Variants in PDZD2 observed in about 807,000 individuals in gnomAD.
The protein encoded by PDZD2 is PDZ domain containing 2, also known as PDZ domain-containing protein 2.
In PDZD2, 90 loss-of-function variants were observed where a neutral mutation model predicts 220.7. The ratio of observed to expected loss-of-function variants is 0.41; its 90% CI spans 0.34 to 0.49. The LOEUF (loss-of-function observed/expected upper bound fraction) is 0.49. Ranked by LOEUF, PDZD2 falls within the 20% of genes least tolerant of loss-of-function variation. PDZD2 has a pLI of 0.28. For synonymous variants in PDZD2, 1,375 were observed against 1,450.5 expected (o/e 0.95, Z 1.18); for missense variants, 3,174 against 3,608.5 (o/e 0.88, Z 3.08).
intron 1 of PDZD2, among the ~76,000 whole-genome samples, chr5:31,797,094 A>ATTTTTTTTT (rs756548601): frequency 1.5e-5 from 1 of 66,534 alleles, no homozygotes; most frequent in Non-Finnish European, 2.5e-5. Flanking sequence ...CACCCAGCTA[A>ATTTTTTTTT]TTTTTTTTTT....
intron 2 of PDZD2, among the ~76,000 whole-genome samples, chr5:31,961,385 A>T (rs78400124): frequency 4.6e-5 from 7 of 151,344 alleles, no homozygotes; most frequent in African/African-American, 1.7e-4. Context: ...AAAAAAAAAA[A>T]TTAGCCAGGC....
At chr5:31,870,225 G>A (rs1396221521) in intron 2 of PDZD2, among the ~76,000 whole-genome samples, 1 of 152,052 alleles carries the variant, frequency 6.6e-6, no homozygotes, top group Non-Finnish European at 1.5e-5. Context: ...GAGAAAATGT[G>A]GAAAATAAGT....
chr5:31,988,955 T>C (rs1252760230), intron 3 of PDZD2, among the ~76,000 whole-genome samples: 2 of 152,202 alleles, frequency 1.3e-5, no homozygotes, highest in East Asian at 1.9e-4. Flanking sequence ...TGCGGTACCC[T>C]CTGCTGGTCT....
At chr5:31,662,640 C>CT (rs1235166382) in intron 1 of PDZD2, among the ~76,000 whole-genome samples, 7 of 152,210 alleles carry the variant, frequency 4.6e-5, no homozygotes, top group Admixed American at 1.3e-4. Flanking sequence ...GATCCCCTTT[C>CT]TTTTTTTGAG....
intron 2 of PDZD2, among the ~76,000 whole-genome samples, chr5:31,911,085 T>C (rs1488056448): frequency 1.3e-5 from 2 of 152,312 alleles, no homozygotes; most frequent in South Asian, 4.1e-4. Flanking sequence ...GACTCAAATA[T>C]GTAACAACTT....
chr5:31,756,153 G>A (rs1425552664), intron 1 of PDZD2, among the ~76,000 whole-genome samples: 1 of 152,142 alleles, frequency 6.6e-6, no homozygotes, highest in Admixed American at 6.5e-5. Flanking sequence ...ACGGGGAAAC[G>A]CAGAAGCCCC....
intron 19 of PDZD2, among the ~76,000 whole-genome samples, chr5:32,084,022 G>T (rs1742218673): frequency 6.6e-6 from 1 of 152,092 alleles, no homozygotes; most frequent in Non-Finnish European, 1.5e-5. Context: ...CTCCTTTTGT[G>T]TCATTGCTAC....
intron 2 of PDZD2, among the ~76,000 whole-genome samples, chr5:31,802,388 C>T (rs921692309): frequency 6.6e-6 from 1 of 152,186 alleles, no homozygotes. Context: ...GCTCAGGCTC[C>T]GTCTCTGACT....
At chr5:31,924,617 A>G (rs1405234851) in intron 2 of PDZD2, among the ~76,000 whole-genome samples, 1 of 152,204 alleles carries the variant, frequency 6.6e-6, no homozygotes, top group East Asian at 1.9e-4. Context: ...TCATCTTCCC[A>G]GCAAGTTTAT....
At chr5:32,022,008 A>G (rs922190721) in intron 6 of PDZD2, among the ~76,000 whole-genome samples, 12 of 152,106 alleles carry the variant, frequency 7.9e-5, no homozygotes, top group Non-Finnish European at 1.5e-4. Context: ...GTACGAATCA[A>G]TGCTGGATGA....
chr5:31,716,958 TGA>T (rs1748487971), intron 1 of PDZD2, among the ~76,000 whole-genome samples: 1 of 151,802 alleles, frequency 6.6e-6, no homozygotes, highest in Non-Finnish European at 1.5e-5. Context: ...GGGGTGGCGG[TGA>T]GAGGGGATAG....
intron 1 of PDZD2, among the ~76,000 whole-genome samples, chr5:31,680,746 G>A (rs1233696970): frequency 6.6e-6 from 1 of 152,158 alleles, no homozygotes; most frequent in Non-Finnish European, 1.5e-5. Flanking sequence ...CTCTGGAAAT[G>A]ATGCCGGCTT....
At chr5:31,963,603 C>T (rs1748446958) in intron 2 of PDZD2, among the ~76,000 whole-genome samples, 1 of 152,202 alleles carries the variant, frequency 6.6e-6, no homozygotes. Context: ...TCCCAGGCTC[C>T]ACCTTGAGTC....
intron 2 of PDZD2, among the ~76,000 whole-genome samples, chr5:31,919,073 A>T (rs1216135767): frequency 6.6e-6 from 1 of 152,242 alleles, no homozygotes; most frequent in Non-Finnish European, 1.5e-5. Flanking sequence ...TGATGTAAAT[A>T]AGCCAAAACA....
At chr5:31,725,999 C>G (rs923623671) in intron 1 of PDZD2, 1 of 466,920 alleles carries the variant, frequency 2.1e-6, no homozygotes, top group African/African-American at 2.0e-5. Flanking sequence ...TGGGTCTTCC[C>G]TGCAGATGCA....
At chr5:31,710,263 G>T (rs1319056607) in intron 1 of PDZD2, among the ~76,000 whole-genome samples, 1 of 152,230 alleles carries the variant, frequency 6.6e-6, no homozygotes, top group African/African-American at 2.4e-5. Context: ...AGCACTCTGA[G>T]ACTGTCACAT....
At position 32,022,132 on chromosome 5, in the gene PDZD2, T is replaced by C. The variant is rs1754245334; in HGVS notation, c.1407+11650T>C. ...TCATGGTATTTTTTATATTCCATAA[T>C]GAATTATGATTATTTCTGTACTTGT... On this transcript the variant is annotated intron_variant, in intron 6 of 24. Transcript: ENST00000438447. Among the ~76,000 whole-genome samples, 3 of 152,176 alleles carry C rather than the reference T, an allele frequency of 2.0e-5. No homozygotes were observed. In the South Asian group the frequency reaches 6.2e-4, roughly 31 times the overall value.
chr5:31,923,634 T>G (rs1395496121), intron 2 of PDZD2: 1 of 715,540 alleles, frequency 1.4e-6, no homozygotes, highest in Non-Finnish European at 2.6e-6. Context: ...CAGTCACTAG[T>G]TGGATGGCAC....
In PDZD2 at chr5:32,070,842, G is replaced by A. The variant is rs1276773577; in HGVS notation, c.2534-542G>A. Among the ~76,000 whole-genome samples, 7 of 152,106 alleles carry A rather than the reference G, an allele frequency of 4.6e-5. No homozygotes were observed. The East Asian group carries it at 1.2e-3, about 25-fold the overall frequency. On this transcript the variant is annotated intron_variant, in intron 15 of 24. Transcript: ENST00000438447. ...GAAACCCCATCTCTGCTAAAAATAC[G>A]AAAGTAGCCGGATGTGGTGGCGCAT...
Sources: gnomAD v4.1 joint callset for allele counts (sites outside exome capture counted in the v4.1 genomes callset) on GRCh38, gnomAD v4.1.1 for gene constraint, MANE v1.5 for transcripts, NCBI Gene and HGNC (gene_info 2026-07-23, HGNC 2026-07-21) for gene names.